Variants in ELFN1 observed in about 807,000 individuals in gnomAD.
ELFN1 encodes the protein protein ELFN1.
Under a neutral mutation model 7.6 loss-of-function variants are expected in ELFN1, and 6 were observed. The observed-to-expected ratio is 0.79, with a 90% CI of 0.43 to 1.56. ELFN1 has a LOEUF of 1.56. Among genes scored for constraint, ELFN1 ranks in the 40% most tolerant of loss-of-function variants. The pLI is 0.01. For missense variants in ELFN1, 1,169 were observed against 1,232.2 expected (o/e 0.95, Z 0.77); for synonymous variants, 657 against 588.1 (o/e 1.12, Z -1.70).
intron 3 of ELFN1, among the ~76,000 whole-genome samples, chr7:1,736,957 G>A (rs1562385572): frequency 6.6e-6 from 1 of 152,048 alleles, no homozygotes; most frequent in Non-Finnish European, 1.5e-5. Flanking sequence ...TCCAGTTAAA[G>A]AACAGGCTCC....
intron 2 of ELFN1, among the ~76,000 whole-genome samples, chr7:1,700,726 G>A (rs181298094): frequency 2.9e-3 from 441 of 152,314 alleles, no homozygotes; most frequent in African/African-American, 0.01. Flanking sequence ...TCAGGACAGC[G>A]GACGAGAGTT....
At chr7:1,710,177 A>G (rs1337318931) in intron 3 of ELFN1, among the ~76,000 whole-genome samples, 1 of 152,224 alleles carries the variant, frequency 6.6e-6, no homozygotes, top group Admixed American at 6.5e-5. Context: ...CACTGAATTT[A>G]TTTAAAGTGG....
chr7:1,714,413 C>T (rs567907984), intron 3 of ELFN1, among the ~76,000 whole-genome samples: 5 of 152,342 alleles, frequency 3.3e-5, no homozygotes, highest in Admixed American at 1.3e-4. Flanking sequence ...CCTCTGACTT[C>T]AAGCCTACCG....
intron 1 of ELFN1, among the ~76,000 whole-genome samples, chr7:1,685,983 ATATT>A (rs1779055796): frequency 6.8e-6 from 1 of 147,922 alleles, no homozygotes; most frequent in African/African-American, 2.5e-5. Context: ...ATATAAATAT[ATATT>A]TATATTATAA....
intron 3 of ELFN1, among the ~76,000 whole-genome samples, chr7:1,718,237 GGAA>G (rs2128591244): frequency 6.6e-6 from 1 of 152,314 alleles, no homozygotes; most frequent in African/African-American, 2.4e-5. Context: ...TACGTGCAAG[GGAA>G]GCTAGAAATG....
At chr7:1,698,129 T>C (rs1779356767) in intron 2 of ELFN1, among the ~76,000 whole-genome samples, 2 of 152,246 alleles carry the variant, frequency 1.3e-5, no homozygotes, top group Non-Finnish European at 2.9e-5. Context: ...CTTTTTTTCA[T>C]AGGATGCCTA....
At position 1,722,423 on chromosome 7, in the gene ELFN1, C is replaced by T. The variant is rs111635782; in HGVS notation, c.-294+13171C>T. Among the ~76,000 whole-genome samples the T allele has an allele frequency of 3.0e-3, 459 of 152,116 alleles. 7 individuals are homozygous for T. The highest frequency in any genetic ancestry group is 0.01 in the African/African-American group (427 of 41,504). ...TTGGGATTACAGGTGCCTGCCACCA[C>T]GCCTGGCTAATTTTTTTATATTTTT... On this transcript the variant is annotated intron_variant, in intron 3 of 3. Coordinates refer to ENST00000424383, the MANE Select transcript of ELFN1 (RefSeq NM_001128636.4).
chr7:1,671,041 G>A (rs932044480), intron 1 of ELFN1, among the ~76,000 whole-genome samples: 1 of 152,176 alleles, frequency 6.6e-6, no homozygotes, highest in African/African-American at 2.4e-5. Flanking sequence ...CTGGGAGGAG[G>A]CTGCCAAGCC....
chr7:1,701,421 T>C lies in ELFN1; in HGVS notation c.-455-7670T>C, dbSNP rs577197482. 7.2e-5 allele frequency among the ~76,000 whole-genome samples: 11 copies of C among 152,334 alleles called. No individual in the cohort carries two copies. The South Asian group carries it at 2.3e-3, about 32-fold the overall frequency. ...CCAGGCTAGCTTTTCATAGTATATT[T>C]TTACGAGCAGAAATTCTTTATTTTT... On this transcript the variant is annotated intron_variant, in intron 2 of 3. Transcript: ENST00000424383.
intron 3 of ELFN1, among the ~76,000 whole-genome samples, chr7:1,729,921 G>A (rs1010588037): frequency 1.3e-5 from 2 of 152,244 alleles, no homozygotes; most frequent in African/African-American, 2.4e-5. Flanking sequence ...GCCGAGGCAC[G>A]TAGACCAGCA....
At chr7:1,675,534 ACTCT>A (rs1258345541) in intron 1 of ELFN1, among the ~76,000 whole-genome samples, 1 of 151,738 alleles carries the variant, frequency 6.6e-6, no homozygotes, top group East Asian at 1.9e-4. Context: ...TTAGTCATTA[ACTCT>A]CTCTAGTTTA....
At chr7:1,697,793 A>G (rs1401886472) in intron 2 of ELFN1, among the ~76,000 whole-genome samples, 1 of 152,096 alleles carries the variant, frequency 6.6e-6, no homozygotes, top group Non-Finnish European at 1.5e-5. Context: ...TTTAATCGTA[A>G]TTTATTTGAG....
chr7:1,678,255 G>T (rs935169909), intron 1 of ELFN1, among the ~76,000 whole-genome samples: 6 of 152,116 alleles, frequency 3.9e-5, no homozygotes, highest in African/African-American at 1.4e-4. Context: ...ACACACCATG[G>T]GGTCCTGGAG....
At chr7:1,684,869 G>T (rs926568349) in intron 1 of ELFN1, among the ~76,000 whole-genome samples, 1 of 152,080 alleles carries the variant, frequency 6.6e-6, no homozygotes, top group African/African-American at 2.4e-5. Context: ...GTTTTTAAAA[G>T]AAGTTAAGGG....
Position 1,670,822 on chromosome 7 carries a change from G to A in ELFN1, c.-549+468G>A, listed in dbSNP as rs1339343852. 2.0e-5 allele frequency among the ~76,000 whole-genome samples: 3 copies of A among 151,542 alleles called. No homozygotes were observed. The highest frequency in any genetic ancestry group is 7.3e-5 in the African/African-American group (3 of 41,304). ...CTCGCATCGCCCTCCCTGCTGGGCC[G>A]CCCTCCCCCCGACGCTGCGAGCCTC... is the stretch of plus-strand genomic sequence containing the variant. On this transcript the variant is annotated intron_variant, in intron 1 of 3. Coordinates refer to ENST00000424383, the MANE Select transcript of ELFN1 (RefSeq NM_001128636.4). The surrounding 1 kb of genome is among the most constrained non-coding windows in gnomAD (Gnocchi z 6.4).
At chr7:1,730,970 A>G (rs1398132616) in intron 3 of ELFN1, among the ~76,000 whole-genome samples, 1 of 152,234 alleles carries the variant, frequency 6.6e-6, no homozygotes, top group Non-Finnish European at 1.5e-5. Flanking sequence ...TGGGCTGGAA[A>G]TCAAACCAAC....
intron 3 of ELFN1, among the ~76,000 whole-genome samples, chr7:1,741,340 G>T (rs11976294): frequency 0.031 from 4,761 of 152,264 alleles, 244 homozygotes; most frequent in African/African-American, 0.1. Flanking sequence ...GGGGGTGGGG[G>T]GAGGACTCCC....
chr7:1,743,995 T>C (rs1265838063), intron 3 of ELFN1, among the ~76,000 whole-genome samples: 1 of 152,122 alleles, frequency 6.6e-6, no homozygotes. Context: ...GTCAGTACCT[T>C]GGAACATGGC....
intron 3 of ELFN1, among the ~76,000 whole-genome samples, chr7:1,720,944 C>A (rs1209210743): frequency 2.6e-5 from 4 of 152,190 alleles, no homozygotes; most frequent in Admixed American, 6.5e-5. Flanking sequence ...GTGTCCCTTA[C>A]CAACGTGTCC....
Sources: gnomAD v4.1 joint callset for allele counts (sites outside exome capture counted in the v4.1 genomes callset) on GRCh38, gnomAD v4.1.1 for gene constraint, Gnocchi (gnomAD v3.1) non-coding constraint, MANE v1.5 for transcripts, NCBI Gene and HGNC (gene_info 2026-07-23, HGNC 2026-07-21) for gene names.